ADGRB2: variants seen among roughly 807,000 people sequenced by gnomAD.
The protein encoded by ADGRB2 is adhesion G protein-coupled receptor B2.
Under a neutral mutation model 178.7 loss-of-function variants are expected in ADGRB2, and 47 were observed. That is an observed-to-expected ratio of 0.26 (90% CI 0.21 to 0.34). ADGRB2 has a LOEUF of 0.34. Among genes scored for constraint, ADGRB2 ranks in the 10% least tolerant of loss-of-function variants. ADGRB2 has a pLI of 1.00. For missense variants in ADGRB2, 1,584 were observed against 2,180.8 expected, an observed-to-expected ratio of 0.73 and a Z score of 5.45; for synonymous variants, 870 against 912.4, an observed-to-expected ratio of 0.95 and a Z score of 0.84.
chr1:31,752,325 C>A (rs1449368124), intron 4 of ADGRB2, among the ~76,000 whole-genome samples: 2 of 152,196 alleles, frequency 1.3e-5, no homozygotes, highest in Non-Finnish European at 2.9e-5. Flanking sequence ...GTAGAGCACA[C>A]AGAGCCCCAC....
chr1:31,755,909 C>A lies in ADGRB2; in HGVS notation c.838+90G>T. 6.7e-7 allele frequency: 1 copy of A among 1,503,612 alleles called. No homozygotes were observed. The highest frequency in any genetic ancestry group is 2.1e-5 in the Admixed American group (1 of 47,830). The allele number at this position is 1,503,612 out of a possible 1,614,324, so 93.1% of individuals were successfully genotyped here. On this transcript the variant is annotated intron_variant, in intron 4 of 32. Coordinates refer to ENST00000373658, the MANE Select transcript of ADGRB2 (RefSeq NM_001364857.2). The surrounding 1 kb of genome is among the most constrained non-coding windows in gnomAD (Gnocchi z 5.1). ...GAGGGGTGACATCAGTGAACAGCTA[C>A]ATGCATGGCCGAGGATCTGCCAGGA...
At position 31,764,239 on chromosome 1, in the gene ADGRB2, G is replaced by T; in HGVS notation, c.-546C>A. On this transcript the variant is annotated 5_prime_UTR_variant, in exon 1 of 33. Coordinates refer to ENST00000373658, the MANE Select transcript of ADGRB2 (RefSeq NM_001364857.2). This position sits in a 1 kb window ranked among gnomAD's most constrained non-coding sequence, Gnocchi z 7.3. ...GCCGCAGCCCCGGGCTCTGAGAGCC[G>T]GTGCCGCATCCTCTTCGGTCTCTGA... 5.6e-6 allele frequency: 1 copy of T among 178,780 alleles called. No individual in the cohort carries two copies. Among genetic ancestry groups the T allele is most frequent in the South Asian group, 1.7e-4 (1 of 5,974 alleles). The allele number at this position is 178,780 out of a possible 1,614,324, so 11.1% of individuals were successfully genotyped here.
rs554470644 is a variant in ADGRB2, at chr1:31,744,366, G to C, written c.923-9C>G. On this transcript the variant is annotated splice_polypyrimidine_tract_variant and intron_variant, in intron 5 of 32. Transcript: ENST00000373658. This position sits in a 1 kb window ranked among gnomAD's most constrained non-coding sequence, Gnocchi z 6.7. ...CTCAGCCGCCGGGTCGCCTACGAGA[G>C]AGGGACAGCGTCGGCGGCAGGGGGC... is the stretch of plus-strand genomic sequence containing the variant. 14 of 1,549,778 alleles carry C rather than the reference G, an allele frequency of 9.0e-6. No individual in the cohort carries two copies. Among genetic ancestry groups the C allele is most frequent in the Non-Finnish European group, 1.2e-5 (14 of 1,146,710 alleles).
At position 31,735,525 on chromosome 1, in the gene ADGRB2, C is replaced by T. The variant is rs1239110555; in HGVS notation, c.3353+55G>A. ...CTGAGTCTCCAAGAGCACCCATGTC[C>T]CTCCCTCCCTGCACCATTTCCAGAA... On this transcript the variant is annotated intron_variant, in intron 24 of 32. Coordinates refer to ENST00000373658, the MANE Select transcript of ADGRB2 (RefSeq NM_001364857.2). This position sits in a 1 kb window ranked among gnomAD's most constrained non-coding sequence, Gnocchi z 6.0. 4.4e-6 allele frequency: 7 copies of T among 1,578,666 alleles called. No homozygotes were observed. The highest frequency in any genetic ancestry group is 1.7e-4 in the Middle Eastern group (1 of 6,012).
Position 31,754,410 on chromosome 1 carries a change from CCA to C in ADGRB2, c.838+1587_838+1588del, listed in dbSNP as rs1646730449. Among the ~76,000 whole-genome samples the C allele has an allele frequency of 6.6e-6, 1 of 152,252 alleles. No individual in the cohort carries two copies. The highest frequency in any genetic ancestry group is 1.5e-5 in the Non-Finnish European group (1 of 68,034). The stretch of plus-strand genomic sequence containing the variant: ...CAGCTGAGCACGATGGGGGAGACCC[CCA>C]CAGAGTGACAGGCAGTGGTGGCCAT... On this transcript the variant is annotated intron_variant, in intron 4 of 32. Transcript: ENST00000373658. This position sits in a 1 kb window ranked among gnomAD's most constrained non-coding sequence, Gnocchi z 5.7.
chr1:31,755,238 G>T lies in ADGRB2; in HGVS notation c.838+761C>A, dbSNP rs1646772345. On this transcript the variant is annotated intron_variant, in intron 4 of 32. Transcript: ENST00000373658. The surrounding 1 kb of genome is among the most constrained non-coding windows in gnomAD (Gnocchi z 5.1). ...GGCCCTCAGGGCCTTGAAGCTGCAG[G>T]AAGCAGGGTCTGTAGAAGGCAGCCG... 6.6e-6 allele frequency among the ~76,000 whole-genome samples: 1 copy of T among 152,248 alleles called. No individual in the cohort carries two copies. The highest frequency in any genetic ancestry group is 2.4e-5 in the African/African-American group (1 of 41,472).
rs758942420 is a variant in ADGRB2, at chr1:31,727,487, G to A, written c.4691C>T (p.Thr1564Ile). Reference protein sequence around the residue: ...SLPPKPRERLTLHRAAAWEPT... With the variant: ...SLPPKPRERLILHRAAAWEPT... Reference sequence around the variant, plus strand: ...CTCCCAGGCTGCTGCCCGGTGCAGAGTCAGCCGTTCTCGGGGCTTGGGGGG... The same window carrying A: ...CTCCCAGGCTGCTGCCCGGTGCAGAATCAGCCGTTCTCGGGGCTTGGGGGG... The change falls in exon 33 of 33, where the codon ACT becomes ATT. Residue 1564 changes from threonine to isoleucine, a missense_variant. Thr to Ile is a moderately conservative substitution (Grantham distance 89, BLOSUM62 -1). Around this residue, in one of 3 missense-constraint regions of ADGRB2, gnomAD observed 865 missense variants for 1,192.8 expected, o/e 0.73. Coordinates refer to ENST00000373658, the MANE Select transcript of ADGRB2 (RefSeq NM_001364857.2). This position sits in a 1 kb window ranked among gnomAD's most constrained non-coding sequence, Gnocchi z 4.4. 1.9e-6 allele frequency: 3 copies of A among 1,597,686 alleles called. No individual in the cohort carries two copies. Among genetic ancestry groups the A allele is most frequent in the Non-Finnish European group, 2.6e-6 (3 of 1,175,570 alleles).
chr1:31,740,349 G>T lies in ADGRB2; in HGVS notation c.1987C>A (p.Gln663Lys), dbSNP rs371321655. 4 of 1,611,500 alleles carry T rather than the reference G, an allele frequency of 2.5e-6. No individual in the cohort carries two copies. In the African/African-American group the frequency reaches 5.3e-5, roughly 22 times the overall value. The change falls in exon 12 of 33, where the codon CAG becomes AAG. Residue 663 changes from glutamine (Q) to lysine (K), a missense_variant and splice_region_variant. Physicochemically the swap from Gln to Lys is moderately conservative, Grantham distance 53. Around this residue, in one of 3 missense-constraint regions of ADGRB2, gnomAD observed 62 missense variants for 140.3 expected, o/e 0.44. Coordinates refer to ENST00000373658, the MANE Select transcript of ADGRB2 (RefSeq NM_001364857.2). This position sits in a 1 kb window ranked among gnomAD's most constrained non-coding sequence, Gnocchi z 5.9. ...ATYVPSADDV[Q>K]RFFQVVSFMV... The stretch of plus-strand genomic sequence containing the variant: ...CCCTCCTTCCTCCTAGGCAGTACCT[G>T]CACATCATCAGCCGAGGGCACGTAG...
Position 31,731,051 on chromosome 1 carries a change from G to A in ADGRB2, c.4129C>T (p.Arg1377Trp), listed in dbSNP as rs775621541. 28 of 1,579,472 alleles carry A rather than the reference G, an allele frequency of 1.8e-5. No individual in the cohort carries two copies. Among genetic ancestry groups the A allele is most frequent in the Admixed American group, 5.4e-5 (3 of 55,676 alleles). Reference protein sequence around the residue: ...GGGGEDAPRARPEGTPRRAAK... With the variant: ...GGGGEDAPRAWPEGTPRRAAK... ...GCTCGCCGGGGGGTCCCCTCCGGCCGGGCCCTGGGGGCATCCTCACCACCT... is the reference window on the plus strand; with the variant it reads ...GCTCGCCGGGGGGTCCCCTCCGGCCAGGCCCTGGGGGCATCCTCACCACCT... The change falls in exon 29 of 33, where the codon CGG becomes TGG. Residue 1377 changes from arginine to tryptophan, a missense_variant. Physicochemically the swap from Arg to Trp is moderately radical, Grantham distance 101. This residue lies in a region of ADGRB2 where 865 missense variants were observed against 1,192.8 expected (regional missense o/e 0.73). Coordinates refer to ENST00000373658, the MANE Select transcript of ADGRB2 (RefSeq NM_001364857.2).
At position 31,741,875 on chromosome 1, in the gene ADGRB2, C is replaced by T. The variant is rs1048992297; in HGVS notation, c.1510G>A (p.Ala504Thr). 3 of 1,611,306 alleles carry T rather than the reference C, an allele frequency of 1.9e-6. No individual in the cohort carries two copies. The highest frequency in any genetic ancestry group is 2.5e-6 in the Non-Finnish European group (3 of 1,178,134). ...CAGGGGTAGCCCTGCGTGCCCGTGG[C>T]CTGGCACATGCGGAAGCGGCGCTGC... ...GWQRRFRMCQATGTQGYPCEG... is the reference protein window; with the variant it reads ...GWQRRFRMCQTTGTQGYPCEG... Residue 504 changes from alanine to threonine, a missense_variant, in exon 9 of 33, where the codon GCC becomes ACC. Ala to Thr is a moderately conservative substitution (Grantham distance 58). Transcript: ENST00000373658. The surrounding 1 kb of genome is among the most constrained non-coding windows in gnomAD (Gnocchi z 6.5).
At chr1:31,745,846 CTT>C (rs1225142528) in intron 4 of ADGRB2, among the ~76,000 whole-genome samples, 1 of 152,186 alleles carries the variant, frequency 6.6e-6, no homozygotes, top group Non-Finnish European at 1.5e-5. Flanking sequence ...AGAGGAAGCT[CTT>C]TCTCACCAAG....
rs913561435 is a variant in ADGRB2 at position 31,738,697 on chromosome 1, C to T, written c.2602-67G>A. ...TCACCACACCCCACCACTGCCCATG[C>T]CATGGGGGCCACAGCAGCTCCCACA... On this transcript the variant is annotated intron_variant, in intron 16 of 32. Transcript: ENST00000373658. 6.1e-5 allele frequency: 98 copies of T among 1,598,532 alleles called. No individual in the cohort carries two copies. In the East Asian group the frequency reaches 2.1e-3, roughly 34 times the overall value.
intron 4 of ADGRB2, among the ~76,000 whole-genome samples, chr1:31,751,273 G>A (rs777120640): frequency 3.7e-4 from 56 of 152,216 alleles, no homozygotes; most frequent in Non-Finnish European, 6.3e-4. Flanking sequence ...AGATGACTTG[G>A]GGCGGCTCAC....
At position 31,744,823 on chromosome 1, in the gene ADGRB2, C is replaced by T. The variant is rs759450120; in HGVS notation, c.839-92G>A. The T allele has an allele frequency of 9.9e-6, 13 of 1,307,044 alleles. No homozygotes were observed. Among genetic ancestry groups the T allele is most frequent in the Non-Finnish European group, 1.4e-5 (13 of 912,744 alleles). The allele number at this position is 1,307,044 out of a possible 1,614,324, so 81.0% of individuals were successfully genotyped here. A position where few individuals can be genotyped will look rare whatever the true frequency, so the allele number is the denominator to read the frequency against. ...GAAGGCAGCCTTCCTTGCCCTCCGC[C>T]TGAGGGCCTGGAACCAACTGCATGA... On this transcript the variant is annotated intron_variant, in intron 4 of 32. Transcript: ENST00000373658. This position sits in a 1 kb window ranked among gnomAD's most constrained non-coding sequence, Gnocchi z 6.7.
intron 4 of ADGRB2, among the ~76,000 whole-genome samples, chr1:31,752,151 G>A (rs1646608454): frequency 6.6e-6 from 1 of 152,082 alleles, no homozygotes; most frequent in African/African-American, 2.4e-5. Flanking sequence ...CCCACCGGTG[G>A]GCAGACAGTG....
In ADGRB2 at chr1:31,735,299, C is replaced by A; in HGVS notation, c.3354-18G>T. ...GCTCCGACCTCGGGGGCGGCACAGACATGGGAGAAGGAGGGGAAACACATG... is the reference window on the plus strand; with the variant it reads ...GCTCCGACCTCGGGGGCGGCACAGAAATGGGAGAAGGAGGGGAAACACATG... On this transcript the variant is annotated intron_variant, in intron 24 of 32. Coordinates refer to ENST00000373658, the MANE Select transcript of ADGRB2 (RefSeq NM_001364857.2). This position sits in a 1 kb window ranked among gnomAD's most constrained non-coding sequence, Gnocchi z 6.0. 6.8e-7 allele frequency: 1 copy of A among 1,477,544 alleles called. No individual in the cohort carries two copies. The allele number at this position is 1,477,544 out of a possible 1,614,324, so 91.5% of individuals were successfully genotyped here.
Position 31,727,971 on chromosome 1 carries a change from G to A in ADGRB2, c.4572+54C>T, listed in dbSNP as rs55637976. 2,960 of 1,512,732 alleles carry A rather than the reference G, an allele frequency of 2.0e-3. 8 individuals carry two copies. Among genetic ancestry groups the A allele is most frequent in the Non-Finnish European group, 2.5e-3 (2,822 of 1,131,808 alleles). The allele number at this position is 1,512,732 out of a possible 1,614,324, so 93.7% of individuals were successfully genotyped here. ...TGCCTGGGAGGGGCAGGAGGGCAGG[G>A]AGGGCACGGGTCCCTCAGGCCCACC... On this transcript the variant is annotated intron_variant, in intron 32 of 32. Transcript: ENST00000373658. This position sits in a 1 kb window ranked among gnomAD's most constrained non-coding sequence, Gnocchi z 4.4.
Position 31,731,232 on chromosome 1 carries a change from C to T in ADGRB2, c.3948G>A (p.Pro1316=), listed in dbSNP as rs755744405. 9 of 1,605,412 alleles carry T rather than the reference C, an allele frequency of 5.6e-6. No individual in the cohort carries two copies. The highest frequency in any genetic ancestry group is 5.4e-5 in the African/African-American group (4 of 74,764). ...MAASPGLGEP[P]PPQEANPVYM... is the part of the protein sequence containing the mutation. ...AAACAGGGTTGGCCTCCTGTGGGGG[C>T]GGAGGCTCCCCCAGCCCTGGTGAGG... Residue 1316 remains proline, a synonymous_variant, in exon 29 of 33, where the codon CCG becomes CCA. Transcript: ENST00000373658.
At position 31,741,916 on chromosome 1, in the gene ADGRB2, G is replaced by A. The variant is rs1264381159; in HGVS notation, c.1469C>T (p.Thr490Met). 10 of 1,609,476 alleles carry A rather than the reference G, an allele frequency of 6.2e-6. No individual in the cohort carries two copies. Among genetic ancestry groups the A allele is most frequent in the African/African-American group, 1.3e-5 (1 of 74,864 alleles). Residue 490 changes from threonine (T) to methionine (M), a missense_variant, in exon 9 of 33, where the codon ACG (threonine) becomes ATG (methionine). Thr to Met is a moderately conservative substitution (Grantham distance 81). Around this residue, in one of 3 missense-constraint regions of ADGRB2, gnomAD observed 657 missense variants for 847.6 expected, o/e 0.78. Transcript: ENST00000373658. This position sits in a 1 kb window ranked among gnomAD's most constrained non-coding sequence, Gnocchi z 6.5. ...PWNAWSLCSK[T>M]CDTGWQRRFR... is the part of the protein sequence containing the mutation. The stretch of plus-strand genomic sequence containing the variant: ...GCGGCGCTGCCAGCCTGTGTCACAC[G>A]TCTTAGAGCACAGGCTCCACGCATT...
Sources: allele counts gnomAD v4.1 joint callset (sites outside exome capture counted in the v4.1 genomes callset), GRCh38; gene constraint gnomAD v4.1.1; regional missense constraint gnomAD v4.1.1; non-coding constraint Gnocchi (gnomAD v3.1); transcripts MANE v1.5; gene names NCBI Gene and HGNC (gene_info 2026-07-23, HGNC 2026-07-21).